Variants in RPS6KA5 observed in about 807,000 individuals in gnomAD.
The protein encoded by RPS6KA5 is ribosomal protein S6 kinase A5, also known as ribosomal protein S6 kinase alpha-5.
RPS6KA5 carries 27 observed loss-of-function variants against 85.5 expected under a neutral mutation model. That is an observed-to-expected ratio of 0.32 (90% confidence interval 0.23 to 0.44). The LOEUF (loss-of-function observed/expected upper bound fraction) is 0.44, where lower values mean the gene tolerates loss of function less well. Among genes scored for constraint, RPS6KA5 ranks in the 20% least tolerant of loss-of-function variants. The probability of loss-of-function intolerance (pLI) is 1.00; values close to 1 mark genes in which losing one functional copy is unlikely to be tolerated. For synonymous variants in RPS6KA5, 334 were observed against 348.2 expected (o/e 0.96, Z 0.46); for missense variants, 811 against 980.9 (o/e 0.83, Z 2.31).
chr14:90,967,572 A>G lies in RPS6KA5; in HGVS notation c.394+10734T>C, dbSNP rs1432968020. Among the ~76,000 whole-genome samples, 4 of 152,358 alleles carry G rather than the reference A, an allele frequency of 2.6e-5. No homozygotes were observed. The South Asian group carries it at 8.3e-4, about 32-fold the overall frequency. ...TTTAAGACTTATGAATGTTTAACAT[A>G]TATTTCCATAAAGTACTACCAGGGT... On this transcript the variant is annotated intron_variant, in intron 3 of 16. Transcript: ENST00000614987.
chr14:91,056,210 C>T (rs2043311528), intron 1 of RPS6KA5, among the ~76,000 whole-genome samples: 1 of 152,194 alleles, frequency 6.6e-6, no homozygotes, highest in South Asian at 2.1e-4. Context: ...GGCTCTCTCT[C>T]CTAATAACAG....
Position 90,872,156 on chromosome 14 carries a change from G to A in RPS6KA5, c.2327C>T (p.Pro776Leu). ...SSSHSHGKTT[P>L]TKTLQPSNPA... The stretch of plus-strand genomic sequence containing the variant: ...ATTGCTGGGCTGCAGTGTCTTGGTG[G>A]GTGTAGTTTTACCGTGAGAATGAGA... Residue 776 changes from proline (P) to leucine (L), a missense_variant, in exon 17 of 17, where the codon CCC becomes CTC. By Grantham distance (98) the Pro-to-Leu change is moderately conservative (BLOSUM62 -3). Coordinates refer to ENST00000614987, the MANE Select transcript of RPS6KA5 (RefSeq NM_004755.4). The A allele has an allele frequency of 1.9e-6, 3 of 1,613,848 alleles. No homozygotes were observed. The highest frequency in any genetic ancestry group is 2.5e-6 in the Non-Finnish European group (3 of 1,179,962).
intron 3 of RPS6KA5, among the ~76,000 whole-genome samples, chr14:90,964,731 T>G (rs184356844): frequency 2.0e-5 from 3 of 151,276 alleles, no homozygotes; most frequent in African/African-American, 7.3e-5. Flanking sequence ...CTGGGCAACA[T>G]AGTGAGGCTC....
chr14:90,942,991 G>T, intron 5 of RPS6KA5, 87 bp downstream of exon 5: 1 of 811,822 alleles, frequency 1.2e-6, no homozygotes, highest in Non-Finnish European at 2.1e-6. Flanking sequence ...TCACAGGGCA[G>T]TTTTCTGCTA....
At chr14:90,911,789 A>C (rs554083932) in intron 7 of RPS6KA5, among the ~76,000 whole-genome samples, 1 of 152,380 alleles carries the variant, frequency 6.6e-6, no homozygotes, top group East Asian at 1.9e-4. Flanking sequence ...ATAATATACC[A>C]AAACATTAAT....
At chr14:91,004,458 T>G (rs1351514671) in intron 1 of RPS6KA5, among the ~76,000 whole-genome samples, 2 of 152,240 alleles carry the variant, frequency 1.3e-5, no homozygotes, top group Non-Finnish European at 2.9e-5. Flanking sequence ...TCCTCAAAGT[T>G]ATTGTCTGAG....
chr14:90,909,178 T>C (rs2035672401), intron 7 of RPS6KA5, among the ~76,000 whole-genome samples: 1 of 152,230 alleles, frequency 6.6e-6, no homozygotes. Flanking sequence ...GGTAGACGAT[T>C]CTGTGGGACA....
chr14:90,948,619 T>A (rs1286787538), intron 3 of RPS6KA5, among the ~76,000 whole-genome samples: 4 of 151,226 alleles, frequency 2.6e-5, no homozygotes, highest in Non-Finnish European at 5.9e-5. Context: ...GGCATGAACC[T>A]GGGAGGCGGA....
At chr14:91,056,208 C>T (rs1384191578) in intron 1 of RPS6KA5, among the ~76,000 whole-genome samples, 1 of 152,206 alleles carries the variant, frequency 6.6e-6, no homozygotes, top group Non-Finnish European at 1.5e-5. Context: ...TAGGCTCTCT[C>T]TCCTAATAAC....
chr14:90,928,091 C>G (rs993685158), intron 5 of RPS6KA5, among the ~76,000 whole-genome samples: 1 of 151,816 alleles, frequency 6.6e-6, no homozygotes, highest in African/African-American at 2.4e-5. Context: ...CCACGCCTGG[C>G]TAATTTTTGT....
At chr14:90,937,634 C>T (rs767722549) in intron 5 of RPS6KA5, among the ~76,000 whole-genome samples, 4 of 152,026 alleles carry the variant, frequency 2.6e-5, no homozygotes, top group African/African-American at 7.3e-5. Context: ...CACAGTTCCA[C>T]GTGGCTGGGG....
At chr14:90,932,998 CCTTTT>C (rs547781261) in intron 5 of RPS6KA5, among the ~76,000 whole-genome samples, 291 of 152,242 alleles carry the variant, frequency 1.9e-3, no homozygotes, top group Non-Finnish European at 3.3e-3. Flanking sequence ...TTTCACTATT[CCTTTT>C]AACAGAAAAC....
At chr14:91,017,771 C>T (rs746434250) in intron 1 of RPS6KA5, among the ~76,000 whole-genome samples, 2 of 152,166 alleles carry the variant, frequency 1.3e-5, no homozygotes, top group Admixed American at 6.6e-5. Flanking sequence ...ACTCTGCTGG[C>T]TTAGAAGTCT....
chr14:90,930,907 C>G lies in RPS6KA5; in HGVS notation c.619-7711G>C, dbSNP rs7152730. 4.1e-3 allele frequency among the ~76,000 whole-genome samples: 629 copies of G among 152,258 alleles called. 3 individuals carry two copies. Among genetic ancestry groups the G allele is most frequent in the African/African-American group, 0.014 (599 of 41,544 alleles). ...AACATAACAAGTGTTGGCAAAGATA[C>G]GGAGAACCTGGAACTTTTTAGCACT... On this transcript the variant is annotated intron_variant, in intron 5 of 16. Coordinates refer to ENST00000614987, the MANE Select transcript of RPS6KA5 (RefSeq NM_004755.4).
intron 3 of RPS6KA5, among the ~76,000 whole-genome samples, chr14:90,956,287 T>C (rs986691243): frequency 6.6e-6 from 1 of 152,198 alleles, no homozygotes; most frequent in African/African-American, 2.4e-5. Flanking sequence ...GAAGTGTCCT[T>C]TTAAATCTCT....
chr14:90,891,998 CTTT>C (rs11351056), intron 13 of RPS6KA5, among the ~76,000 whole-genome samples: 24 of 139,206 alleles, frequency 1.7e-4, no homozygotes, highest in South Asian at 2.3e-4. Context: ...GATTTTAGTT[CTTT>C]TTTTTTTTTT....
intron 1 of RPS6KA5, among the ~76,000 whole-genome samples, chr14:91,044,240 G>T (rs1025774984): frequency 7.0e-6 from 1 of 143,078 alleles, no homozygotes; most frequent in Non-Finnish European, 1.5e-5. Flanking sequence ...AAGAGATGGG[G>T]GAGAGAGGGG....
intron 14 of RPS6KA5, among the ~76,000 whole-genome samples, chr14:90,884,816 T>A (rs2034080536): frequency 6.6e-6 from 1 of 152,210 alleles, no homozygotes; most frequent in Non-Finnish European, 1.5e-5. Flanking sequence ...AATATACATA[T>A]TTCTGTTGGA....
In RPS6KA5 at chr14:90,854,253, T is replaced by C. The variant is rs541469115; in HGVS notation, c.*17821A>G. The C allele has an allele frequency of 6.6e-6, 1 of 151,978 alleles. No homozygotes were observed. Among genetic ancestry groups the C allele is most frequent in the Non-Finnish European group, 1.5e-5 (1 of 68,012 alleles). The allele number at this position is 151,978 out of a possible 1,614,324, so 9.4% of individuals were successfully genotyped here. On this transcript the variant is annotated 3_prime_UTR_variant, in exon 17 of 17. Transcript: ENST00000614987. ...TAATTATTAAATGATTAATGTTTAA[T>C]CATTAATCATTTAATAATAAATGGC...
Sources: allele counts gnomAD v4.1 joint callset (sites outside exome capture counted in the v4.1 genomes callset), GRCh38; gene constraint gnomAD v4.1.1; transcripts MANE v1.5; gene names NCBI Gene and HGNC (gene_info 2026-07-23, HGNC 2026-07-21).